The following CAMTA1 variants were observed in gnomAD, a reference collection of about 807,000 sequenced individuals.
CAMTA1 encodes calmodulin binding transcription activator 1.
Under a neutral mutation model 170.9 loss-of-function variants are expected in CAMTA1, and 27 were observed. The observed-to-expected ratio is 0.16, with a 90% CI of 0.12 to 0.22. The LOEUF (loss-of-function observed/expected upper bound fraction) is 0.22. Ranked by LOEUF, CAMTA1 falls within the 10% of genes least tolerant of loss-of-function variation. The pLI, the probability that CAMTA1 is intolerant of heterozygous loss-of-function variation, is 1.00. For synonymous variants in CAMTA1, 833 were observed against 891.5 expected, an observed-to-expected ratio of 0.93 and a Z score of 1.17; for missense variants, 1,619 against 2,217.2, an observed-to-expected ratio of 0.73 and a Z score of 5.42.
In CAMTA1 at chr1:6,866,009, A is replaced by C. The variant is rs571098272; in HGVS notation, c.234+40799A>C. Among the ~76,000 whole-genome samples the C allele has an allele frequency of 3.2e-4, 49 of 152,310 alleles. 1 individual carries two copies. The South Asian group carries it at 4.8e-3, about 15-fold the overall frequency. On this transcript the variant is annotated intron_variant, in intron 3 of 22. Coordinates refer to ENST00000303635, the MANE Select transcript of CAMTA1 (RefSeq NM_015215.4). ...TTTAGAGGGACGATTACCTTAAGCT[A>C]TTATCAACTTGAATTTGTTTCTTTA...
intron 5 of CAMTA1, among the ~76,000 whole-genome samples, chr1:7,344,376 TTGA>T (rs1248369635): frequency 5.3e-5 from 8 of 152,212 alleles, no homozygotes; most frequent in Non-Finnish European, 1.0e-4. Flanking sequence ...CCACATTCTA[TTGA>T]TGAAGCAAGT....
intron 10 of CAMTA1, among the ~76,000 whole-genome samples, chr1:7,675,018 C>T (rs1192722277): frequency 6.6e-6 from 1 of 152,124 alleles, no homozygotes; most frequent in Non-Finnish European, 1.5e-5. Context: ...AAAACTGTAT[C>T]CCAGCAGTAG....
chr1:7,275,175 A>G (rs1241944615), intron 5 of CAMTA1, among the ~76,000 whole-genome samples: 1 of 151,380 alleles, frequency 6.6e-6, no homozygotes, highest in Non-Finnish European at 1.5e-5. Flanking sequence ...AAGAAAGAAA[A>G]TATTTTGAAA....
chr1:7,540,847 C>A (rs1346739800), intron 6 of CAMTA1, among the ~76,000 whole-genome samples: 1 of 152,210 alleles, frequency 6.6e-6, no homozygotes, highest in African/African-American at 2.4e-5. Context: ...ATCATAGAGG[C>A]TTTGGCCTAC....
At chr1:7,287,261 G>T (rs1465921219) in intron 5 of CAMTA1, among the ~76,000 whole-genome samples, 1 of 152,182 alleles carries the variant, frequency 6.6e-6, no homozygotes, top group East Asian at 1.9e-4. Flanking sequence ...CCTGTGTTCT[G>T]CAGAATGCAT....
chr1:7,428,232 G>A (rs566229409), intron 5 of CAMTA1, among the ~76,000 whole-genome samples: 70 of 152,172 alleles, frequency 4.6e-4, no homozygotes, highest in Non-Finnish European at 7.8e-4. Context: ...GTTGTCTCTT[G>A]CACACTGGAA....
intron 4 of CAMTA1, among the ~76,000 whole-genome samples, chr1:7,156,008 T>C (rs531404581): frequency 1.3e-5 from 2 of 152,032 alleles, no homozygotes; most frequent in African/African-American, 4.8e-5. Context: ...ATCTCAGCAC[T>C]TTGGGATGCC....
At chr1:7,747,605 G>A in intron 18 of CAMTA1, 105 bp from the exon 19 acceptor site, 1 of 633,236 alleles carries the variant, frequency 1.6e-6, no homozygotes, top group Non-Finnish European at 2.6e-6. Flanking sequence ...TGGTAAACCT[G>A]GGATCTCAAC....
At chr1:7,215,719 A>G (rs1004220048) in intron 4 of CAMTA1, among the ~76,000 whole-genome samples, 2 of 152,234 alleles carry the variant, frequency 1.3e-5, no homozygotes, top group African/African-American at 4.8e-5. Flanking sequence ...TCATGATCAC[A>G]TGTACATTTT....
intron 3 of CAMTA1, among the ~76,000 whole-genome samples, chr1:6,852,012 CAAAAAAA>C (rs71280861): frequency 1.1e-5 from 1 of 90,648 alleles, no homozygotes; most frequent in Non-Finnish European, 2.3e-5. Context: ...ACTCTATCTC[CAAAAAAA>C]AAAAAAAAAA....
intron 4 of CAMTA1, among the ~76,000 whole-genome samples, chr1:7,129,760 A>G (rs1645139126): frequency 6.6e-6 from 1 of 152,164 alleles, no homozygotes; most frequent in South Asian, 2.1e-4. Context: ...TCATCACCCT[A>G]AAAGTTTCCT....
intron 3 of CAMTA1, among the ~76,000 whole-genome samples, chr1:6,966,973 G>A (rs913134314): frequency 2.6e-5 from 4 of 151,400 alleles, no homozygotes; most frequent in African/African-American, 9.7e-5. Context: ...TGGGCACGGT[G>A]GCTCACGCCT....
At chr1:7,196,425 A>G (rs1655547660) in intron 4 of CAMTA1, among the ~76,000 whole-genome samples, 1 of 152,196 alleles carries the variant, frequency 6.6e-6, no homozygotes, top group Non-Finnish European at 1.5e-5. Flanking sequence ...ACATTCTTAG[A>G]GATCTGTTTG....
intron 4 of CAMTA1, among the ~76,000 whole-genome samples, chr1:7,215,496 C>T (rs1457436715): frequency 2.0e-5 from 3 of 152,176 alleles, no homozygotes; most frequent in Non-Finnish European, 2.9e-5. Flanking sequence ...CAGGTTCAAG[C>T]GATTTTCCCA....
chr1:7,765,454 A>G (rs761223282), intron 22 of CAMTA1, among the ~76,000 whole-genome samples: 3 of 152,220 alleles, frequency 2.0e-5, no homozygotes, highest in Non-Finnish European at 4.4e-5. Flanking sequence ...TAACAATGTT[A>G]TTTAAATTTG....
rs1337635560 is a variant in CAMTA1 at position 6,987,045 on chromosome 1, A to G, written c.235-104259A>G. Among the ~76,000 whole-genome samples, 5 of 151,570 alleles carry G rather than the reference A, an allele frequency of 3.3e-5. No homozygotes were observed. The East Asian group carries it at 9.7e-4, about 30-fold the overall frequency. On this transcript the variant is annotated intron_variant, in intron 3 of 22. Coordinates refer to ENST00000303635, the MANE Select transcript of CAMTA1 (RefSeq NM_015215.4). ...CATTTGTGTGTCTCTGAGTTAGGGT[A>G]TTTTGGTAAACTCTTCAACAAGATT...
intron 5 of CAMTA1, among the ~76,000 whole-genome samples, chr1:7,292,345 C>T (rs1379875483): frequency 6.6e-6 from 1 of 151,958 alleles, no homozygotes; most frequent in African/African-American, 2.4e-5. Context: ...GCAGGCAGAG[C>T]CAATATTCTG....
At chr1:7,742,081 G>A (rs2096822952) in intron 16 of CAMTA1, among the ~76,000 whole-genome samples, 1 of 150,950 alleles carries the variant, frequency 6.6e-6, no homozygotes. Context: ...AGTATAAAAA[G>A]AAAGATAAAA....
At position 7,680,438 on chromosome 1, in the gene CAMTA1, G is replaced by C. The variant is rs1040452730; in HGVS notation, c.2914+2705G>C. ...AAACTGGGGCACGGCTGCCGGCGGC[G>C]CGCGTGCACACACTCTCTCCCACGC... On this transcript the variant is annotated intron_variant, in intron 11 of 22. Coordinates refer to ENST00000303635, the MANE Select transcript of CAMTA1 (RefSeq NM_015215.4). The surrounding 1 kb of genome is among the most constrained non-coding windows in gnomAD (Gnocchi z 4.4). 2.0e-5 allele frequency among the ~76,000 whole-genome samples: 3 copies of C among 152,056 alleles called. No homozygotes were observed. Among genetic ancestry groups the C allele is most frequent in the Non-Finnish European group, 2.9e-5 (2 of 67,984 alleles).
Sources: gnomAD v4.1 joint callset for allele counts (sites outside exome capture counted in the v4.1 genomes callset) on GRCh38, gnomAD v4.1.1 for gene constraint, Gnocchi (gnomAD v3.1) non-coding constraint, MANE v1.5 for transcripts, NCBI Gene and HGNC (gene_info 2026-07-23, HGNC 2026-07-21) for gene names.